STK31: variants seen among roughly 807,000 people sequenced by gnomAD.
STK31 encodes the protein serine/threonine kinase 31, also known as serine/threonine-protein kinase 31.
In STK31, 89 loss-of-function variants were observed where a neutral mutation model predicts 129.7. The observed-to-expected ratio is 0.69, with a 90% CI of 0.58 to 0.82. STK31 has a LOEUF of 0.82. STK31 is among the 40% of genes least tolerant of loss of function. STK31 has a pLI of 0.00. For synonymous variants in STK31, 448 were observed against 395.3 expected (o/e 1.13, Z -1.58); for missense variants, 1,187 against 1,176.4 (o/e 1.01, Z -0.13).
chr7:23,747,365 AT>A (rs1160971660), intron 8 of STK31, among the ~76,000 whole-genome samples: 1 of 66,698 alleles, frequency 1.5e-5, no homozygotes, highest in African/African-American at 4.4e-5. Flanking sequence ...TGTTCAGATT[AT>A]TTTTTTATTT....
In STK31 at chr7:23,813,710, C is replaced by CTGGT. The variant is rs1190043718; in HGVS notation, c.2761-1433_2761-1430dup. On this transcript the variant is annotated intron_variant, in intron 22 of 23. Coordinates refer to ENST00000355870, the MANE Select transcript of STK31 (RefSeq NM_031414.5). ...AAGGAACTTTTCAAGGCTGAACTGC[C>CTGGT]TGGTGCTTCTAAGTATGGGAATGGA... is the stretch of plus-strand genomic sequence containing the variant. 1.6e-4 allele frequency among the ~76,000 whole-genome samples: 25 copies of CTGGT among 152,286 alleles called. No individual in the cohort carries two copies. The East Asian group carries it at 4.6e-3, about 28-fold the overall frequency.
chr7:23,745,702 A>G (rs1340780876), intron 8 of STK31, among the ~76,000 whole-genome samples: 1 of 152,002 alleles, frequency 6.6e-6, no homozygotes, highest in East Asian at 1.9e-4. Context: ...ATGCATGGCT[A>G]CCCTTCTGCT....
chr7:23,830,033 T>G (rs1415750778), intron 23 of STK31, among the ~76,000 whole-genome samples: 1 of 152,182 alleles, frequency 6.6e-6, no homozygotes, highest in Non-Finnish European at 1.5e-5. Context: ...CACTGCAAGC[T>G]CCGCCTCCCG....
At chr7:23,730,886 T>A (rs1257535796) in intron 6 of STK31, among the ~76,000 whole-genome samples, 8 of 79,742 alleles carry the variant, frequency 1.0e-4, no homozygotes, top group African/African-American at 1.6e-4. Context: ...ATATTTTTTT[T>A]TTTTTTTTTT....
intron 23 of STK31, among the ~76,000 whole-genome samples, chr7:23,820,839 A>T (rs1793748272): frequency 6.6e-6 from 1 of 152,238 alleles, no homozygotes; most frequent in Non-Finnish European, 1.5e-5. Flanking sequence ...GTTGCTGAAA[A>T]TGACAGAATT....
At chr7:23,747,885 C>T (rs1788459201) in intron 8 of STK31, among the ~76,000 whole-genome samples, 1 of 152,022 alleles carries the variant, frequency 6.6e-6, no homozygotes. Context: ...TATAGTGTTA[C>T]CAATTTTATT....
chr7:23,808,169 A>T (rs61051825), intron 22 of STK31, among the ~76,000 whole-genome samples: 10,833 of 146,358 alleles, frequency 0.074, 579 homozygotes, highest in African/African-American at 0.14. Context: ...ATATATATAT[A>T]TTTTTTGTAG....
chr7:23,761,122 T>C (rs1438569072), intron 10 of STK31, among the ~76,000 whole-genome samples: 1 of 152,214 alleles, frequency 6.6e-6, no homozygotes, highest in Non-Finnish European at 1.5e-5. Flanking sequence ...TTATTTGTTT[T>C]TGTGGTTTGA....
chr7:23,823,561 G>A (rs1266027701), intron 23 of STK31, among the ~76,000 whole-genome samples: 4 of 152,162 alleles, frequency 2.6e-5, no homozygotes, highest in Non-Finnish European at 4.4e-5. Context: ...TGTTCACTCT[G>A]ATGGTGGTTT....
At chr7:23,744,888 A>G (rs1224664074) in intron 8 of STK31, among the ~76,000 whole-genome samples, 1 of 152,206 alleles carries the variant, frequency 6.6e-6, no homozygotes, top group Non-Finnish European at 1.5e-5. Context: ...TGCTGGCACT[A>G]CTGTTAGAAA....
At chr7:23,713,802 G>T (rs1786123895) in intron 3 of STK31, among the ~76,000 whole-genome samples, 1 of 151,918 alleles carries the variant, frequency 6.6e-6, no homozygotes, top group Non-Finnish European at 1.5e-5. Flanking sequence ...AGGACTTGAG[G>T]CGGCTGTACA....
At chr7:23,802,210 G>A (rs1158857550) in intron 22 of STK31, among the ~76,000 whole-genome samples, 1 of 152,126 alleles carries the variant, frequency 6.6e-6, no homozygotes, top group Non-Finnish European at 1.5e-5. Flanking sequence ...GGGAGTTTGA[G>A]GGAGTTCTTT....
At chr7:23,745,343 T>C (rs1035354330) in intron 8 of STK31, among the ~76,000 whole-genome samples, 3 of 152,118 alleles carry the variant, frequency 2.0e-5, no homozygotes, top group African/African-American at 7.2e-5. Context: ...GGTAGGCAGG[T>C]GCAGGATGAT....
intron 22 of STK31, among the ~76,000 whole-genome samples, chr7:23,795,748 G>A (rs932780027): frequency 1.3e-5 from 2 of 152,204 alleles, no homozygotes; most frequent in African/African-American, 2.4e-5. Context: ...GTGAGACATG[G>A]AGTCAAAGGA....
At chr7:23,796,974 A>T (rs1792003954) in intron 22 of STK31, among the ~76,000 whole-genome samples, 1 of 152,176 alleles carries the variant, frequency 6.6e-6, no homozygotes, top group South Asian at 2.1e-4. Flanking sequence ...CTAGTCTCTG[A>T]TAAAACAGAA....
chr7:23,791,413 G>A, intron 22 of STK31: 13 of 480,914 alleles, frequency 2.7e-5, no homozygotes, highest in East Asian at 1.5e-4. Flanking sequence ...ATAAGTGGGA[G>A]CTAAACACTG....
chr7:23,763,817 A>C (rs1584405301), intron 11 of STK31, among the ~76,000 whole-genome samples: 1 of 151,916 alleles, frequency 6.6e-6, no homozygotes, highest in African/African-American at 2.4e-5. Flanking sequence ...TTTTCATTTC[A>C]TTTTCAAGTG....
intron 11 of STK31, 144 bp from the exon 12 acceptor site, chr7:23,768,851 A>G (rs1177954250): frequency 3.1e-6 from 2 of 642,908 alleles, no homozygotes; most frequent in Non-Finnish European, 4.7e-6. Context: ...TTTCATCTCT[A>G]TCTGATGATT....
Position 23,790,812 on chromosome 7 carries a change from T to C in STK31, c.2638-12T>C, listed in dbSNP as rs374012929. 4.7e-5 allele frequency: 74 copies of C among 1,578,850 alleles called. No individual in the cohort carries two copies. Among genetic ancestry groups the C allele is most frequent in the East Asian group, 1.8e-4 (8 of 43,726 alleles). On this transcript the variant is annotated splice_polypyrimidine_tract_variant and intron_variant, in intron 21 of 23. Transcript: ENST00000355870. ...TGTTGTATCTGAAATATGTAAAATA[T>C]TGTTTTTGCAGAGTCAGCGAGCCTC... is the stretch of plus-strand genomic sequence containing the variant.
Sources: gnomAD v4.1 joint callset for allele counts (sites outside exome capture counted in the v4.1 genomes callset) on GRCh38, gnomAD v4.1.1 for gene constraint, MANE v1.5 for transcripts, NCBI Gene and HGNC (gene_info 2026-07-23, HGNC 2026-07-21) for gene names.